MAP4K3: variants seen among roughly 807,000 people sequenced by gnomAD.
MAP4K3 encodes the protein mitogen-activated protein kinase kinase kinase kinase 3.
A neutral mutation model predicts 143.5 loss-of-function variants in MAP4K3; 94 were observed. That is an observed-to-expected ratio of 0.65 (90% CI 0.55 to 0.78). MAP4K3 has a LOEUF of 0.78. MAP4K3 is among the 30% of genes least tolerant of loss of function. The pLI is 0.00. For missense variants in MAP4K3, 1,077 were observed against 1,068.1 expected (o/e 1.01, Z -0.12); for synonymous variants, 416 against 347.2 (o/e 1.20, Z -2.20).
intron 24 of MAP4K3, among the ~76,000 whole-genome samples, 163 bp downstream of exon 24, chr2:39,278,244 C>T (rs1681359567): frequency 2.0e-5 from 3 of 151,850 alleles, no homozygotes; most frequent in Admixed American, 2.0e-4. Context: ...TGCACTGCAG[C>T]CTGGGCAACA....
At chr2:39,369,205 G>GTTTTTTTTTTTGTTTT (rs68013609) in intron 2 of MAP4K3, among the ~76,000 whole-genome samples, 1 of 125,380 alleles carries the variant, frequency 8.0e-6, no homozygotes, top group African/African-American at 3.2e-5. Context: ...TTTTTTTTTT[G>GTTTTTTTTTTTGTTTT]TTTTTTTTGA....
chr2:39,408,653 A>AT (rs57877881), intron 1 of MAP4K3, among the ~76,000 whole-genome samples: 1 of 146,118 alleles, frequency 6.8e-6, no homozygotes, highest in African/African-American at 2.5e-5. Flanking sequence ...AAAAAAAAAA[A>AT]GGTGGTGGGG....
At position 39,250,428 on chromosome 2, in the gene MAP4K3, T is replaced by A. The variant is rs1680107322; in HGVS notation, c.*190A>T. The A allele has an allele frequency of 1.9e-6, 1 of 516,600 alleles. No individual in the cohort carries two copies. Among genetic ancestry groups the A allele is most frequent in the East Asian group, 3.0e-5 (1 of 33,342 alleles). The allele number at this position is 516,600 out of a possible 1,614,324, so 32.0% of individuals were successfully genotyped here. A position where few individuals can be genotyped will look rare whatever the true frequency, so the allele number is the denominator to read the frequency against. On this transcript the variant is annotated 3_prime_UTR_variant, in exon 34 of 34. Transcript: ENST00000263881. ...TACATAACAATGAATTAAGCACTTG[T>A]GTGGTTCAATATGCTAAATATATCC...
intron 2 of MAP4K3, among the ~76,000 whole-genome samples, chr2:39,366,160 C>G (rs1665916836): frequency 6.6e-6 from 1 of 151,136 alleles, no homozygotes; most frequent in Non-Finnish European, 1.5e-5. Context: ...CCAAGGTGGT[C>G]AGGGTACAGC....
At position 39,343,417 on chromosome 2, in the gene MAP4K3, C is replaced by A. The variant is rs1420483608; in HGVS notation, c.281G>T (p.Gly94Val). ...ATAAATATCCTGTAAAGAACCACCT[C>A]CACAAAACTCCATGCAAATCCAAAG... is the stretch of plus-strand genomic sequence containing the variant. ...DKLWICMEFC[G>V]GGSLQDIYHV... The change falls in exon 4 of 34, where the codon GGA becomes GTA. Residue 94 changes from glycine (G) to valine (V), a missense_variant. Physicochemically the swap from Gly to Val is moderately radical, Grantham distance 109 (BLOSUM62 -3). Coordinates refer to ENST00000263881, the MANE Select transcript of MAP4K3 (RefSeq NM_003618.4). 6.2e-7 allele frequency: 1 copy of A among 1,613,026 alleles called. No individual in the cohort carries two copies. The highest frequency in any genetic ancestry group is 1.3e-5 in the African/African-American group (1 of 74,874).
At chr2:39,305,975 C>T (rs1391168762) in intron 15 of MAP4K3, among the ~76,000 whole-genome samples, 1 of 151,642 alleles carries the variant, frequency 6.6e-6, no homozygotes, top group Admixed American at 6.6e-5. Context: ...ACTACAGGCA[C>T]ATGCCACCAT....
chr2:39,258,651 G>C (rs374330097), intron 29 of MAP4K3, 64 bp from the exon 30 acceptor site: 1 of 1,096,154 alleles, frequency 9.1e-7, no homozygotes, highest in Admixed American at 1.8e-5. Flanking sequence ...TGGAAACATT[G>C]AAGAAAAAGA....
intron 1 of MAP4K3, among the ~76,000 whole-genome samples, chr2:39,378,508 G>C (rs1183790154): frequency 6.6e-6 from 1 of 152,298 alleles, no homozygotes; most frequent in South Asian, 2.1e-4. Flanking sequence ...TACAGCCAGT[G>C]AGTCGACAGT....
chr2:39,366,087 T>C (rs189638014), intron 2 of MAP4K3, among the ~76,000 whole-genome samples: 13 of 152,328 alleles, frequency 8.5e-5, no homozygotes, highest in African/African-American at 3.1e-4. Context: ...AGATTTATTC[T>C]GAGCCAAATA....
At chr2:39,337,988 T>C (rs543346086) in intron 4 of MAP4K3, among the ~76,000 whole-genome samples, 8 of 152,014 alleles carry the variant, frequency 5.3e-5, no homozygotes, top group African/African-American at 1.9e-4. Context: ...GTATTGAATT[T>C]CTGGGCTCAA....
chr2:39,346,453 C>T (rs145841682), intron 3 of MAP4K3, among the ~76,000 whole-genome samples: 2 of 152,114 alleles, frequency 1.3e-5, no homozygotes, highest in African/African-American at 2.4e-5. Context: ...GATTCATTTC[C>T]CTTTGTTTTT....
At chr2:39,390,477 C>T (rs1027109781) in intron 1 of MAP4K3, among the ~76,000 whole-genome samples, 1 of 152,168 alleles carries the variant, frequency 6.6e-6, no homozygotes, top group African/African-American at 2.4e-5. Context: ...GGTTTTAATA[C>T]TACTCAAGTG....
chr2:39,292,310 ATTATAT>A (rs1489372239), intron 18 of MAP4K3, among the ~76,000 whole-genome samples: 2 of 152,196 alleles, frequency 1.3e-5, no homozygotes, highest in Non-Finnish European at 2.9e-5. Flanking sequence ...CCACAATGTG[ATTATAT>A]TTAGAGATGG....
chr2:39,400,099 T>C (rs1666914047), intron 1 of MAP4K3, among the ~76,000 whole-genome samples: 1 of 152,150 alleles, frequency 6.6e-6, no homozygotes, highest in South Asian at 2.1e-4. Flanking sequence ...CCTGCTATAC[T>C]TTAGGTGTAG....
intron 3 of MAP4K3, among the ~76,000 whole-genome samples, chr2:39,344,089 G>GA (rs1665216725): frequency 1.3e-5 from 2 of 152,174 alleles, no homozygotes. Context: ...AGATGGGACA[G>GA]AAAATCCCTG....
chr2:39,409,321 A>G (rs922220061), intron 1 of MAP4K3, among the ~76,000 whole-genome samples: 1 of 152,236 alleles, frequency 6.6e-6, no homozygotes, highest in African/African-American at 2.4e-5. Flanking sequence ...TTAGTGGTTA[A>G]GCTTTGGGGA....
chr2:39,294,502 A>G (rs75142372), intron 16 of MAP4K3, among the ~76,000 whole-genome samples: 6,838 of 152,334 alleles, frequency 0.045, 175 homozygotes, highest in South Asian at 0.058. Context: ...CTAAGAAAGC[A>G]GGAGCTTCTG....
At chr2:39,378,023 T>C (rs1371806034) in intron 2 of MAP4K3, 43 bp downstream of exon 2, 2 of 1,125,218 alleles carry the variant, frequency 1.8e-6, no homozygotes, top group Admixed American at 1.9e-5. Flanking sequence ...AGATATCCCA[T>C]GGCTTTCTAG....
In MAP4K3 at chr2:39,250,671, G is replaced by T. The variant is rs932853814; in HGVS notation, c.2632C>A (p.Pro878Thr). The change falls in exon 34 of 34, where the codon CCC becomes ACC. Residue 878 changes from proline (P) to threonine (T), a missense_variant. Physicochemically the swap from Pro to Thr is conservative, Grantham distance 38 (BLOSUM62 -1). Coordinates refer to ENST00000263881, the MANE Select transcript of MAP4K3 (RefSeq NM_003618.4). ...ATGTACAAATTGCTATTTGCTGTGGGGTTATCAGTTGGCCTACTTTCCAAA... is the reference window on the plus strand; with the variant it reads ...ATGTACAAATTGCTATTTGCTGTGGTGTTATCAGTTGGCCTACTTTCCAAA... Reference protein sequence around the residue: ...VVLESRPTDNPTANSNLYILA... With the variant: ...VVLESRPTDNTTANSNLYILA... 6.2e-7 allele frequency: 1 copy of T among 1,613,664 alleles called. No homozygotes were observed. Among genetic ancestry groups the T allele is most frequent in the Non-Finnish European group, 8.5e-7 (1 of 1,179,788 alleles).
Sources: allele counts gnomAD v4.1 joint callset (sites outside exome capture counted in the v4.1 genomes callset), GRCh38; gene constraint gnomAD v4.1.1; transcripts MANE v1.5; gene names NCBI Gene and HGNC (gene_info 2026-07-23, HGNC 2026-07-21).